MDGA2: variants seen among roughly 807,000 people sequenced by gnomAD.
MDGA2 encodes the protein MAM domain-containing glycosylphosphatidylinositol anchor protein 2.
A neutral mutation model predicts 117.8 loss-of-function variants in MDGA2; 40 were observed. The ratio of observed to expected loss-of-function variants is 0.34; its 90% CI spans 0.26 to 0.44. The LOEUF (loss-of-function observed/expected upper bound fraction) is 0.44. Among genes scored for constraint, MDGA2 ranks in the 20% least tolerant of loss-of-function variants. The pLI is 1.00. For synonymous variants in MDGA2, 452 were observed against 439.0 expected, an observed-to-expected ratio of 1.03 and a Z score of -0.37; for missense variants, 1,123 against 1,250.6, an observed-to-expected ratio of 0.90 and a Z score of 1.54.
chr14:47,453,548 C>G (rs115487856), intron 1 of MDGA2, among the ~76,000 whole-genome samples: 2,469 of 152,206 alleles, frequency 0.016, 34 homozygotes, highest in Middle Eastern at 0.037. Flanking sequence ...GTCTGTTTTA[C>G]TCATTTCTCA....
chr14:47,343,187 T>G (rs549484921), intron 1 of MDGA2: 1 of 1,139,614 alleles, frequency 8.8e-7, no homozygotes, highest in Non-Finnish European at 1.1e-6. Flanking sequence ...TGGTACAGGC[T>G]CAAGCTATTA....
chr14:47,590,956 G>C (rs1214937936), intron 1 of MDGA2, among the ~76,000 whole-genome samples: 1 of 151,840 alleles, frequency 6.6e-6, no homozygotes, highest in Non-Finnish European at 1.5e-5. Flanking sequence ...TTCTAAATTT[G>C]ATGACTAATC....
intron 1 of MDGA2, among the ~76,000 whole-genome samples, chr14:47,451,307 CTG>C (rs1893235966): frequency 6.6e-6 from 1 of 152,072 alleles, no homozygotes; most frequent in Admixed American, 6.6e-5. Flanking sequence ...TTTAGTGAAT[CTG>C]TGGAAGGAAT....
rs555716061 is a variant in MDGA2, at chr14:47,397,376, G to C, written c.281-95826C>G. On this transcript the variant is annotated intron_variant, in intron 1 of 16. Transcript: ENST00000399232. ...GATAGCATTAGGAGAAATACCTAAT[G>C]TGGATGATGGGTTGATGGGTGCAGC... 6.0e-4 allele frequency among the ~76,000 whole-genome samples: 92 copies of C among 152,220 alleles called. 1 individual carries two copies. The highest frequency in any genetic ancestry group is 2.1e-3 in the African/African-American group (87 of 41,538).
rs894437563 is a variant in MDGA2, at chr14:47,675,039, C to A, written c.-243G>T. On this transcript the variant is annotated 5_prime_UTR_variant, in exon 1 of 17. Transcript: ENST00000399232. ...GCCGGCGGCGGGCGCGGGCAGGGGG[C>A]CGGGGGTGCCGCGCGGTAGGAGCCT... 1.7e-5 allele frequency: 3 copies of A among 180,540 alleles called. No homozygotes were observed. Among genetic ancestry groups the A allele is most frequent in the African/African-American group, 4.8e-5 (2 of 41,946 alleles). The allele number at this position is 180,540 out of a possible 1,614,324, so 11.2% of individuals were successfully genotyped here. A position where few individuals can be genotyped will look rare whatever the true frequency, so the allele number is the denominator to read the frequency against.
In MDGA2 at chr14:47,560,893, G is replaced by T. The variant is rs149633044; in HGVS notation, c.280+113624C>A. ...ATATATGGGGTAAGGAAGGGGTTCA[G>T]TTTCAATCTTCTGCATTTGGCTAGC... On this transcript the variant is annotated intron_variant, in intron 1 of 16. Coordinates refer to ENST00000399232, the MANE Select transcript of MDGA2 (RefSeq NM_001113498.3). 6.6e-3 allele frequency among the ~76,000 whole-genome samples: 1,012 copies of T among 152,204 alleles called. 7 individuals carry two copies. Among genetic ancestry groups the T allele is most frequent in the Admixed American group, 0.012 (176 of 15,274 alleles).
At chr14:46,900,560 G>C (rs1233649562) in intron 10 of MDGA2, among the ~76,000 whole-genome samples, 1 of 152,072 alleles carries the variant, frequency 6.6e-6, no homozygotes, top group Non-Finnish European at 1.5e-5. Flanking sequence ...TATGCAACAA[G>C]TTGGATAAAT....
intron 10 of MDGA2, among the ~76,000 whole-genome samples, chr14:46,886,585 AC>A (rs1459100524): frequency 6.6e-6 from 1 of 151,918 alleles, no homozygotes; most frequent in East Asian, 1.9e-4. Flanking sequence ...CTTCAACTCT[AC>A]CAGGTGATTT....
intron 1 of MDGA2, among the ~76,000 whole-genome samples, chr14:47,613,477 T>TCACA (rs200626697): frequency 0.011 from 1,500 of 138,164 alleles, 22 homozygotes; most frequent in South Asian, 0.045. Context: ...TCTCTCTCTC[T>TCACA]CTCACACACA....
chr14:47,394,574 A>G (rs548683213), intron 1 of MDGA2, among the ~76,000 whole-genome samples: 65 of 152,326 alleles, frequency 4.3e-4, no homozygotes, highest in African/African-American at 1.5e-3. Flanking sequence ...GAATGTATCT[A>G]AAACAGAATA....
intron 10 of MDGA2, among the ~76,000 whole-genome samples, chr14:46,901,870 A>G (rs1041001540): frequency 1.3e-5 from 2 of 152,158 alleles, no homozygotes; most frequent in African/African-American, 2.4e-5. Flanking sequence ...CTGAAAGTAA[A>G]CTCAAAAAGG....
At chr14:47,521,418 T>C (rs1894864519) in intron 1 of MDGA2, among the ~76,000 whole-genome samples, 1 of 152,188 alleles carries the variant, frequency 6.6e-6, no homozygotes, top group Non-Finnish European at 1.5e-5. Context: ...AATCCTGACC[T>C]TGCCATTGCC....
chr14:47,649,503 A>T (rs1443987126), intron 1 of MDGA2, among the ~76,000 whole-genome samples: 1 of 152,092 alleles, frequency 6.6e-6, no homozygotes, highest in East Asian at 1.9e-4. Context: ...CCTGGCCAAC[A>T]GTGAAACCCC....
chr14:47,484,723 C>A (rs181656422), intron 1 of MDGA2, among the ~76,000 whole-genome samples: 17 of 152,196 alleles, frequency 1.1e-4, no homozygotes, highest in Admixed American at 1.1e-3. Context: ...ATCGTAGGGG[C>A]AGGTCTTTCC....
intron 1 of MDGA2, among the ~76,000 whole-genome samples, chr14:47,352,459 G>GACT (rs1890904364): frequency 6.6e-6 from 1 of 151,804 alleles, no homozygotes; most frequent in Non-Finnish European, 1.5e-5. Context: ...AAACCTAGCT[G>GACT]ACTCTCTTTT....
chr14:46,911,914 G>T (rs1366903495), intron 10 of MDGA2, among the ~76,000 whole-genome samples: 2 of 152,062 alleles, frequency 1.3e-5, no homozygotes, highest in African/African-American at 4.8e-5. Context: ...CAGCAGCCAG[G>T]GTGCAAGACA....
intron 1 of MDGA2, among the ~76,000 whole-genome samples, chr14:47,311,024 T>G (rs1042769622): frequency 6.6e-6 from 1 of 152,112 alleles, no homozygotes; most frequent in Non-Finnish European, 1.5e-5. Context: ...TCAAGGTTCT[T>G]TGAACCAAAT....
At chr14:47,408,056 CTTTTTTTT>C (rs56285818) in intron 1 of MDGA2, among the ~76,000 whole-genome samples, 2 of 115,186 alleles carry the variant, frequency 1.7e-5, no homozygotes, top group East Asian at 2.7e-4. Flanking sequence ...GGAGATTATT[CTTTTTTTT>C]TTTTTTTTTT....
intron 1 of MDGA2, among the ~76,000 whole-genome samples, chr14:47,317,104 A>T (rs1889831660): frequency 6.6e-6 from 1 of 152,124 alleles, no homozygotes; most frequent in East Asian, 1.9e-4. Flanking sequence ...GTTACACATG[A>T]TCCTAATTCA....
Sources: allele counts gnomAD v4.1 joint callset (sites outside exome capture counted in the v4.1 genomes callset), GRCh38; gene constraint gnomAD v4.1.1; transcripts MANE v1.5; gene names NCBI Gene and HGNC (gene_info 2026-07-23, HGNC 2026-07-21).